The following FRMPD1 variants were observed in gnomAD, a reference collection of about 807,000 sequenced individuals.
FRMPD1 encodes FERM and PDZ domain-containing protein 1.
Under a neutral mutation model 117.8 loss-of-function variants are expected in FRMPD1, and 76 were observed. The observed-to-expected ratio is 0.65, with a 90% CI of 0.54 to 0.78. The LOEUF is 0.78. FRMPD1 is among the 30% of genes least tolerant of loss of function. The pLI is 0.00. For synonymous variants in FRMPD1, 783 were observed against 770.4 expected, an observed-to-expected ratio of 1.02 and a Z score of -0.27; for missense variants, 1,786 against 1,964.5, an observed-to-expected ratio of 0.91 and a Z score of 1.72.
upstream of FRMPD1, among the ~76,000 whole-genome samples, chr9:37,650,591 G>A (rs1820637881): frequency 6.6e-6 from 1 of 152,196 alleles, no homozygotes; most frequent in African/African-American, 2.4e-5. Context: ...GAAGGGGGTC[G>A]TTTTGGGAAC....
chr9:37,645,882 A>C, the FRMPD1 span, among the ~76,000 whole-genome samples: 1 of 152,156 alleles, frequency 6.6e-6, no homozygotes, highest in Non-Finnish European at 1.5e-5. Flanking sequence ...TAGCTTCCTT[A>C]ATCTCAAAGA....
chr9:37,723,188 C>T (rs13299275), intron 6 of FRMPD1, among the ~76,000 whole-genome samples: 1 of 152,146 alleles, frequency 6.6e-6, no homozygotes, highest in African/African-American at 2.4e-5. Context: ...CACCCCAATC[C>T]TACAAGGTAG....
Position 37,688,973 on chromosome 9 carries a change from T to G in FRMPD1, c.-4-3665T>G, listed in dbSNP as rs1822043485. ...AAGTTAAACATTATTAAAAATCATT[T>G]AATAAAATAGTATTAAGGGTTTATA... is the stretch of plus-strand genomic sequence containing the variant. On this transcript the variant is annotated intron_variant, in intron 1 of 15. Transcript: ENST00000377765. Among the ~76,000 whole-genome samples, 4 of 152,228 alleles carry G rather than the reference T, an allele frequency of 2.6e-5. 1 individual carries two copies. Among genetic ancestry groups the G allele is most frequent in the Non-Finnish European group, 5.9e-5 (4 of 67,970 alleles).
rs1176652042 is a variant in FRMPD1 at position 37,744,558 on chromosome 9, A to G, written c.2526A>G (p.Leu842=). The G allele has an allele frequency of 3.1e-6, 5 of 1,614,148 alleles. No individual in the cohort carries two copies. Among genetic ancestry groups the G allele is most frequent in the Non-Finnish European group, 4.2e-6 (5 of 1,180,006 alleles). The change falls in exon 16 of 16, where the codon CTA becomes CTG. Residue 842 remains leucine (L), a synonymous_variant. Coordinates refer to ENST00000377765, the MANE Select transcript of FRMPD1 (RefSeq NM_014907.3). ...CCCTGAGGAAAAGAAGGTCTTTCCTACAGACCGACTACACCTCTCAGGTCT... is the reference window on the plus strand; with the variant it reads ...CCCTGAGGAAAAGAAGGTCTTTCCTGCAGACCGACTACACCTCTCAGGTCT... ...AKTLRKRRSF[L]QTDYTSQVSF...
At chr9:37,665,369 A>G (rs1416444389) in intron 1 of FRMPD1, among the ~76,000 whole-genome samples, 3 of 152,230 alleles carry the variant, frequency 2.0e-5, no homozygotes, top group African/African-American at 7.2e-5. Flanking sequence ...AAAAGAGATA[A>G]GCTTTTGGAG....
the FRMPD1 span, chr9:37,636,757 G>A: frequency 8.4e-5 from 135 of 1,602,410 alleles, 1 homozygote; most frequent in East Asian, 8.0e-4. Flanking sequence ...GCTCGCCCCC[G>A]GAGGCTGCTC....
chr9:37,619,098 C>T, the FRMPD1 span, among the ~76,000 whole-genome samples: 9 of 152,166 alleles, frequency 5.9e-5, no homozygotes, highest in Admixed American at 1.3e-4. Flanking sequence ...TAATGTAAAC[C>T]GACATGCCAT....
In FRMPD1 at chr9:37,673,164, A is replaced by C. The variant is rs533955157; in HGVS notation, c.-4-19474A>C. Reference sequence around the variant, plus strand: ...GAGCCTTTAAAATCAAAAGTAAGCTAGTTACTTCCTAGATACAATGGGGGT... The same window carrying C: ...GAGCCTTTAAAATCAAAAGTAAGCTCGTTACTTCCTAGATACAATGGGGGT... On this transcript the variant is annotated intron_variant, in intron 1 of 15. Transcript: ENST00000377765. Among the ~76,000 whole-genome samples, 3 of 152,344 alleles carry C rather than the reference A, an allele frequency of 2.0e-5. No homozygotes were observed. In the East Asian group the frequency reaches 5.8e-4, roughly 29 times the overall value.
intron 1 of FRMPD1, among the ~76,000 whole-genome samples, chr9:37,676,193 T>A (rs913376769): frequency 4.0e-5 from 6 of 150,358 alleles, no homozygotes; most frequent in African/African-American, 1.5e-4. Flanking sequence ...TTTTCTGGAA[T>A]GTTACATGGT....
chr9:37,687,294 A>G (rs1333545650), intron 1 of FRMPD1, among the ~76,000 whole-genome samples: 1 of 152,238 alleles, frequency 6.6e-6, no homozygotes, highest in African/African-American at 2.4e-5. Context: ...TGTCTTCCAC[A>G]TGGTGGCCCT....
At chr9:37,633,601 A>G in the FRMPD1 span, among the ~76,000 whole-genome samples, 1 of 152,324 alleles carries the variant, frequency 6.6e-6, no homozygotes, top group Admixed American at 6.5e-5. Flanking sequence ...GCTCACGCCT[A>G]GTATTCCCAG....
intron 5 of FRMPD1, among the ~76,000 whole-genome samples, chr9:37,714,610 A>ATTTTATTTTG (rs1250581643): frequency 1.1e-5 from 1 of 93,934 alleles, no homozygotes; most frequent in African/African-American, 4.3e-5. Context: ...ATTTTATTTT[A>ATTTTATTTTG]TTTTATTTTA....
At chr9:37,676,914 A>T (rs1425672307) in intron 1 of FRMPD1, among the ~76,000 whole-genome samples, 1 of 152,148 alleles carries the variant, frequency 6.6e-6, no homozygotes, top group Admixed American at 6.5e-5. Context: ...CTATAACACG[A>T]TGAACACCCA....
In FRMPD1 at chr9:37,746,117, C is replaced by G. The variant is rs1034501098; in HGVS notation, c.4085C>G (p.Pro1362Arg). The G allele has an allele frequency of 6.2e-7, 1 of 1,614,190 alleles. No homozygotes were observed. The change falls in exon 16 of 16, where the codon CCC (proline) becomes CGC (arginine). Residue 1362 changes from proline to arginine, a missense_variant. Coordinates refer to ENST00000377765, the MANE Select transcript of FRMPD1 (RefSeq NM_014907.3). ...GAAGACAGGGACTTGGAAGCACACC[C>G]CATGGCCCCCCTCACCTCACCGCCC... ...EEEDRDLEAHPMAPLTSPPSA... is the reference protein window; with the variant it reads ...EEEDRDLEAHRMAPLTSPPSA...
rs1563959446 is a variant in FRMPD1 at position 37,737,116 on chromosome 9, AT to A, written c.1423del (p.Ser475ProfsTer7). 6.2e-7 allele frequency: 1 copy of A among 1,612,928 alleles called. No homozygotes were observed. Among genetic ancestry groups the A allele is most frequent in the East Asian group, 2.2e-5 (1 of 44,872 alleles). On this transcript the variant is annotated frameshift_variant, in exon 14 of 16. Transcript: ENST00000377765. LOFTEE classifies it high-confidence loss of function. ...CAAAGGTTCTGACTTTGCTGCTGGA[AT>A]CCAACAGTGCAAAAGACCTAGCCTG... ...DVKVLTLLLE[S>X]NSAKDLACLI...
At chr9:37,679,281 T>A (rs535419172) in intron 1 of FRMPD1, among the ~76,000 whole-genome samples, 48 of 152,372 alleles carry the variant, frequency 3.2e-4, no homozygotes, top group African/African-American at 1.1e-3. Flanking sequence ...AAACTTCTGA[T>A]TTGAAAGGGC....
chr9:37,637,364 G>A, the FRMPD1 span: 44 of 761,138 alleles, frequency 5.8e-5, no homozygotes, highest in Non-Finnish European at 5.1e-5. Context: ...GATGGTGGCC[G>A]CCGATGTTTT....
intron 1 of FRMPD1, chr9:37,668,421 T>C (rs1821236737): frequency 6.6e-6 from 1 of 152,304 alleles, no homozygotes; most frequent in African/African-American, 2.4e-5. Context: ...GGAAGGTCAT[T>C]TGATATTCAC....
chr9:37,730,298 C>T (rs995407928), intron 8 of FRMPD1, among the ~76,000 whole-genome samples: 6 of 152,210 alleles, frequency 3.9e-5, no homozygotes, highest in Non-Finnish European at 5.9e-5. Flanking sequence ...CACAGCCAAA[C>T]GGTCTATATC....
Sources: gnomAD v4.1 joint callset for allele counts (sites outside exome capture counted in the v4.1 genomes callset) on GRCh38, gnomAD v4.1.1 for gene constraint, MANE v1.5 for transcripts, NCBI Gene and HGNC (gene_info 2026-07-23, HGNC 2026-07-21) for gene names.